Variants in VAV1 observed in about 807,000 individuals in gnomAD.
VAV1 encodes proto-oncogene vav.
VAV1 carries 33 observed loss-of-function variants against 128.1 expected under a neutral mutation model. The observed-to-expected ratio is 0.26, with a 90% CI of 0.20 to 0.34. The LOEUF is 0.34. VAV1 is among the 10% of genes least tolerant of loss of function. VAV1 has a pLI of 1.00. For missense variants in VAV1, 715 were observed against 1,093.7 expected (o/e 0.65, Z 4.88); for synonymous variants, 394 against 409.8 (o/e 0.96, Z 0.47).
In VAV1 at chr19:6,822,501, G is replaced by A. The variant is rs1268445203; in HGVS notation, c.641G>A (p.Gly214Asp). 3 of 1,549,710 alleles carry A rather than the reference G, an allele frequency of 1.9e-6. No individual in the cohort carries two copies. The highest frequency in any genetic ancestry group is 2.7e-5 in the African/African-American group (2 of 73,104). Residue 214 changes from glycine (G) to aspartate (D), a missense_variant, in exon 6 of 27, where the codon GGC (glycine) becomes GAC (aspartate). Physicochemically the swap from Gly to Asp is moderately conservative, Grantham distance 94. Coordinates refer to ENST00000602142, the MANE Select transcript of VAV1 (RefSeq NM_005428.4). The surrounding 1 kb of genome is among the most constrained non-coding windows in gnomAD (Gnocchi z 5.9). ...GAGGAGAAGTACACTGACACGCTGG[G>A]CTCCATCCAGCAGGTGGGCGCCTCC... Reference protein sequence around the residue: ...QTEEKYTDTLGSIQQHFLKPL... With the variant: ...QTEEKYTDTLDSIQQHFLKPL...
At chr19:6,811,789 A>T (rs1343801606) in intron 1 of VAV1, among the ~76,000 whole-genome samples, 2 of 152,234 alleles carry the variant, frequency 1.3e-5, no homozygotes, top group Admixed American at 1.3e-4. Flanking sequence ...GGATAACACC[A>T]GCTACTGTAA....
chr19:6,789,932 G>T (rs1048621136), intron 1 of VAV1, among the ~76,000 whole-genome samples: 1 of 152,190 alleles, frequency 6.6e-6, no homozygotes, highest in South Asian at 2.1e-4. Flanking sequence ...GAGGCCAGAC[G>T]TGGTGGCTCA....
intron 1 of VAV1, among the ~76,000 whole-genome samples, chr19:6,799,491 T>G (rs889366139): frequency 2.6e-5 from 4 of 152,114 alleles, no homozygotes. Flanking sequence ...CTGGGATACA[T>G]GTGCAGAACG....
In VAV1 at chr19:6,822,122, C is replaced by G; in HGVS notation, c.450-99C>G. The G allele has an allele frequency of 1.6e-6, 2 of 1,255,578 alleles. No homozygotes were observed. Among genetic ancestry groups the G allele is most frequent in the Non-Finnish European group, 2.2e-6 (2 of 889,362 alleles). 77.8% of individuals were successfully genotyped at this position (1,255,578 alleles called of 1,614,324 possible). On this transcript the variant is annotated intron_variant, in intron 4 of 26. Coordinates refer to ENST00000602142, the MANE Select transcript of VAV1 (RefSeq NM_005428.4). This position sits in a 1 kb window ranked among gnomAD's most constrained non-coding sequence, Gnocchi z 5.9. ...TGCCCTTGGAGTCTGAGGTCCCACC[C>G]TTGGAGTCTTGGGGGGACAAAGCCC...
intron 1 of VAV1, among the ~76,000 whole-genome samples, chr19:6,785,038 G>A (rs761581551): frequency 9.2e-5 from 14 of 152,224 alleles, no homozygotes; most frequent in Admixed American, 4.6e-4. Context: ...TCTCTGCACC[G>A]CAGCCAAATC....
intron 21 of VAV1, among the ~76,000 whole-genome samples, chr19:6,837,902 T>G (rs916135915): frequency 4.6e-5 from 7 of 152,184 alleles, no homozygotes; most frequent in African/African-American, 1.7e-4. Flanking sequence ...ATTATACTAT[T>G]ATTTAATTCA....
At chr19:6,787,877 C>T (rs999884465) in intron 1 of VAV1, among the ~76,000 whole-genome samples, 1 of 151,918 alleles carries the variant, frequency 6.6e-6, no homozygotes, top group Admixed American at 6.6e-5. Flanking sequence ...GAGATCGAGA[C>T]CATCCTGGCT....
At chr19:6,821,941 C>T in intron 4 of VAV1, 82 bp downstream of exon 4, 5 of 1,570,794 alleles carry the variant, frequency 3.2e-6, no homozygotes, top group Non-Finnish European at 4.4e-6. Flanking sequence ...TGGCCTTGCC[C>T]TCCGGGAAAT....
rs1568299110 is a variant in VAV1 at position 6,814,663 on chromosome 19, C to CTTTCTTT, written c.205-6039_205-6038insTTTCTTT. Among the ~76,000 whole-genome samples, 116 of 26,498 alleles carry CTTTCTTT rather than the reference C, an allele frequency of 4.4e-3. 1 individual carries two copies. The highest frequency in any genetic ancestry group is 0.013 in the South Asian group (10 of 754). The allele number at this position is 26,498 out of a possible 152,430, so 17.4% of individuals were successfully genotyped here. On this transcript the variant is annotated intron_variant, in intron 1 of 26. Coordinates refer to ENST00000602142, the MANE Select transcript of VAV1 (RefSeq NM_005428.4). Reference sequence around the variant, plus strand: ...TCCTTCCTTCCTTCCTTCCTTCCTTCCTTCCTTCCTTTCTTTCTTTCTTTC... The same window carrying CTTTCTTT: ...TCCTTCCTTCCTTCCTTCCTTCCTTCTTTCTTTCTTCCTTCCTTTCTTTCTTTCTTTC...
At chr19:6,818,413 CTTCTT>C (rs1568301718) in intron 1 of VAV1, among the ~76,000 whole-genome samples, 1 of 152,214 alleles carries the variant, frequency 6.6e-6, no homozygotes, top group Non-Finnish European at 1.5e-5. Context: ...ATCCTCCCCT[CTTCTT>C]CCTCCTCGCC....
Position 6,816,652 on chromosome 19 carries a change from A to G in VAV1, c.205-4050A>G, listed in dbSNP as rs1252193973. On this transcript the variant is annotated intron_variant, in intron 1 of 26. Coordinates refer to ENST00000602142, the MANE Select transcript of VAV1 (RefSeq NM_005428.4). ...TCAAGCAGCATCCCCACACCGATCTAAGCCTGCTTTCTTGTAGGTAAAATA... is the reference window on the plus strand; with the variant it reads ...TCAAGCAGCATCCCCACACCGATCTGAGCCTGCTTTCTTGTAGGTAAAATA... 2.6e-5 allele frequency among the ~76,000 whole-genome samples: 4 copies of G among 151,906 alleles called. No individual in the cohort carries two copies. The East Asian group carries it at 7.7e-4, about 29-fold the overall frequency.
chr19:6,857,075 T>A lies in VAV1; in HGVS notation c.2506T>A (p.Tyr836Asn). The change falls in exon 27 of 27, where the codon TAC (tyrosine) becomes AAC (asparagine). Residue 836 changes from tyrosine (Y) to asparagine (N), a missense_variant. Around this residue, in one of 3 missense-constraint regions of VAV1, gnomAD observed 407 missense variants for 580.6 expected, o/e 0.70. Coordinates refer to ENST00000602142, the MANE Select transcript of VAV1 (RefSeq NM_005428.4). ...YGRVGWFPAN[Y>N]VEEDYSEYC is the part of the protein sequence containing the mutation. ...CCAGGTTGGCTGGTTCCCTGCCAAC[T>A]ACGTGGAGGAAGATTATTCTGAATA... The A allele has an allele frequency of 6.2e-7, 1 of 1,614,098 alleles. No homozygotes were observed.
At chr19:6,805,899 T>C (rs1971386216) in intron 1 of VAV1, among the ~76,000 whole-genome samples, 1 of 151,998 alleles carries the variant, frequency 6.6e-6, no homozygotes, top group South Asian at 2.1e-4. Context: ...ACTGCCCTGA[T>C]GGAAGTGTCT....
In VAV1 at chr19:6,853,901, G is replaced by A. The variant is rs147921520; in HGVS notation, c.2333-46G>A. ...AGCTTGTGCCCCCAGAGAGTGAGTG[G>A]GTATCTGCCCCAGACCCTTTTCTCA... On this transcript the variant is annotated intron_variant, in intron 25 of 26. Coordinates refer to ENST00000602142, the MANE Select transcript of VAV1 (RefSeq NM_005428.4). The A allele has an allele frequency of 2.8e-4, 450 of 1,590,264 alleles. 3 individuals are homozygous for A. The African/African-American group carries it at 5.3e-3, about 19-fold the overall frequency.
chr19:6,811,302 C>T (rs542148307), intron 1 of VAV1, among the ~76,000 whole-genome samples: 2 of 152,308 alleles, frequency 1.3e-5, no homozygotes, highest in South Asian at 4.1e-4. Flanking sequence ...TCCCATAGTG[C>T]TGGGATTATA....
At chr19:6,837,388 G>T (rs1972248373) in intron 21 of VAV1, among the ~76,000 whole-genome samples, 1 of 152,092 alleles carries the variant, frequency 6.6e-6, no homozygotes, top group African/African-American at 2.4e-5. Flanking sequence ...GAGCACTGTG[G>T]CCTCCATTGC....
chr19:6,850,766 C>G lies in VAV1; in HGVS notation c.2217+9C>G. On this transcript the variant is annotated intron_variant, in intron 24 of 26. Coordinates refer to ENST00000602142, the MANE Select transcript of VAV1 (RefSeq NM_005428.4). Reference sequence around the variant, plus strand: ...CTTTCCGGGGGCTTACGGTAAGGGTCAATGTCCGCTCAATCCCAGCTTTCC... The same window carrying G: ...CTTTCCGGGGGCTTACGGTAAGGGTGAATGTCCGCTCAATCCCAGCTTTCC... The G allele has an allele frequency of 6.2e-7, 1 of 1,613,688 alleles. No homozygotes were observed. Among genetic ancestry groups the G allele is most frequent in the South Asian group, 1.1e-5 (1 of 91,024 alleles).
At chr19:6,804,096 G>A (rs780355067) in intron 1 of VAV1, among the ~76,000 whole-genome samples, 1 of 152,060 alleles carries the variant, frequency 6.6e-6, no homozygotes, top group Non-Finnish European at 1.5e-5. Context: ...GATAGGCAGA[G>A]CATGGAAGCT....
At chr19:6,798,429 A>G (rs1971189254) in intron 1 of VAV1, among the ~76,000 whole-genome samples, 2 of 151,882 alleles carry the variant, frequency 1.3e-5, no homozygotes, top group Non-Finnish European at 2.9e-5. Flanking sequence ...GGAGATCGAG[A>G]TCAGCCTGGG....
Sources: gnomAD v4.1 joint callset for allele counts (sites outside exome capture counted in the v4.1 genomes callset) on GRCh38, gnomAD v4.1.1 for gene constraint, gnomAD v4.1.1 regional missense constraint, Gnocchi (gnomAD v3.1) non-coding constraint, MANE v1.5 for transcripts, NCBI Gene and HGNC (gene_info 2026-07-23, HGNC 2026-07-21) for gene names.